The following CCDC92B variants were observed in gnomAD, a reference collection of about 807,000 sequenced individuals.
CCDC92B encodes coiled-coil domain containing 92B, also known as coiled-coil domain-containing 92B.
In CCDC92B, 2 loss-of-function variants were observed where a neutral mutation model predicts 5.6. That is an observed-to-expected ratio of 0.36 (90% CI 0.15 to 1.12). The LOEUF is 1.12. CCDC92B is among the 50% of genes most tolerant of loss of function. The pLI is 0.40. For synonymous variants in CCDC92B, 115 were observed against 122.3 expected (o/e 0.94, Z 0.39); for missense variants, 271 against 262.2 (o/e 1.03, Z -0.23).
chr17:2,744,684 G>A (rs1488548669), intron 1 of CCDC92B, among the ~76,000 whole-genome samples: 1 of 152,166 alleles, frequency 6.6e-6, no homozygotes, highest in Non-Finnish European at 1.5e-5. Context: ...TTGACACAAG[G>A]TAAGATCAAG....
chr17:2,733,258 CTCT>C (rs1213955100), intron 2 of CCDC92B, among the ~76,000 whole-genome samples: 40 of 148,684 alleles, frequency 2.7e-4, no homozygotes, highest in African/African-American at 9.3e-4. Context: ...GTTTCCTCTT[CTCT>C]TTTTTTTTTT....
chr17:2,744,106 G>A (rs908399471), intron 1 of CCDC92B, among the ~76,000 whole-genome samples: 7 of 152,052 alleles, frequency 4.6e-5, no homozygotes, highest in Admixed American at 2.6e-4. Context: ...TCAAACTCCC[G>A]ACCTCGTGAT....
At chr17:2,733,707 C>A (rs1441801268) in intron 2 of CCDC92B, among the ~76,000 whole-genome samples, 1 of 142,350 alleles carries the variant, frequency 7.0e-6, no homozygotes, top group Middle Eastern at 4.2e-3. Flanking sequence ...GTCTGTGGAG[C>A]CTTAGGAAGC....
At position 2,723,862 on chromosome 17, in the gene CCDC92B, T is replaced by G. The variant is rs912093054; in HGVS notation, c.*549A>C. On this transcript the variant is annotated 3_prime_UTR_variant, in exon 4 of 4. Transcript: ENST00000614400. ...TCTTCTAAAGTGTTCCGTGCTCACC[T>G]GCAAGGACCTATCGGCAGGGTCAGG... The G allele has an allele frequency of 4.1e-6, 3 of 722,992 alleles. No individual in the cohort carries two copies. Among genetic ancestry groups the G allele is most frequent in the Non-Finnish European group, 5.1e-6 (3 of 589,862 alleles). 44.8% of individuals were successfully genotyped at this position (722,992 alleles called of 1,614,324 possible). A position where few individuals can be genotyped will look rare whatever the true frequency, so the allele number is the denominator to read the frequency against.
Position 2,724,270 on chromosome 17 carries a change from T to C in CCDC92B, c.*141A>G. On this transcript the variant is annotated 3_prime_UTR_variant, in exon 4 of 4. Coordinates refer to ENST00000614400, the MANE Select transcript of CCDC92B (RefSeq NM_001355573.2). This position sits in a 1 kb window ranked among gnomAD's most constrained non-coding sequence, Gnocchi z 5.0. The stretch of plus-strand genomic sequence containing the variant: ...ACAAAAGGCTGGCGGTTCGGGGATT[T>C]GGGGGGAGCCGGGGCCGCCTCGCCC... 1 of 985,090 alleles carries C rather than the reference T, an allele frequency of 1.0e-6. No homozygotes were observed. The highest frequency in any genetic ancestry group is 1.2e-6 in the Non-Finnish European group (1 of 829,800). The allele number at this position is 985,090 out of a possible 1,614,324, so 61.0% of individuals were successfully genotyped here.
chr17:2,736,406 G>A (rs1002701352), intron 1 of CCDC92B, among the ~76,000 whole-genome samples: 5 of 151,412 alleles, frequency 3.3e-5, no homozygotes, highest in Non-Finnish European at 5.9e-5. Flanking sequence ...CAGCCTGGGC[G>A]ACAGGGTGAG....
intron 1 of CCDC92B, chr17:2,748,295 G>A (rs2071011435): frequency 1.2e-5 from 14 of 1,167,096 alleles, no homozygotes; most frequent in Non-Finnish European, 1.5e-5. Context: ...TTGCTCTGAT[G>A]TGACTTTTAC....
intron 1 of CCDC92B, among the ~76,000 whole-genome samples, chr17:2,735,819 CCTG>C (rs1473175763): frequency 1.3e-5 from 2 of 152,166 alleles, no homozygotes; most frequent in East Asian, 3.8e-4. Flanking sequence ...TGGGTTCTAG[CCTG>C]CTCCTCCCGC....
intron 2 of CCDC92B, among the ~76,000 whole-genome samples, chr17:2,734,165 C>T (rs183900339): frequency 6.6e-6 from 1 of 152,114 alleles, no homozygotes; most frequent in Non-Finnish European, 1.5e-5. Flanking sequence ...CCGTGCTGTT[C>T]CCTTCATCTG....
chr17:2,727,677 A>G (rs929774204), intron 3 of CCDC92B, among the ~76,000 whole-genome samples: 2 of 152,050 alleles, frequency 1.3e-5, no homozygotes, highest in African/African-American at 4.8e-5. Context: ...TACAAAAATT[A>G]GCTGGGTATG....
chr17:2,724,467 G>C lies in CCDC92B; in HGVS notation c.712C>G (p.Arg238Gly). 2 of 983,666 alleles carry C rather than the reference G, an allele frequency of 2.0e-6. No individual in the cohort carries two copies. Among genetic ancestry groups the C allele is most frequent in the Non-Finnish European group, 1.2e-6 (1 of 829,210 alleles). The allele number at this position is 983,666 out of a possible 1,614,324, so 60.9% of individuals were successfully genotyped here. ...CTGGGCGCGGGCTGCGGGCCGGCTC[G>C]GTCCGGGGGCTCCTGGGGAGGCGGC... ...RQPPPQEPPD[R>G]AGPQPAPSQP... The change falls in exon 4 of 4, where the codon CGA (arginine) becomes GGA (glycine). Residue 238 changes from arginine to glycine, a missense_variant. Physicochemically the swap from Arg to Gly is moderately radical, Grantham distance 125. Transcript: ENST00000614400. The surrounding 1 kb of genome is among the most constrained non-coding windows in gnomAD (Gnocchi z 5.0).
intron 1 of CCDC92B, among the ~76,000 whole-genome samples, chr17:2,739,151 A>G (rs2070893134): frequency 6.6e-6 from 1 of 151,570 alleles, no homozygotes; most frequent in Non-Finnish European, 1.5e-5. Context: ...GCGGATCACG[A>G]GGTCAGGAGA....
chr17:2,733,012 CAAAA>C (rs2070813114), intron 2 of CCDC92B, among the ~76,000 whole-genome samples: 6 of 141,366 alleles, frequency 4.2e-5, no homozygotes, highest in African/African-American at 1.3e-4. Context: ...GACCCTGTCT[CAAAA>C]TAAATAAATA....
Position 2,723,981 on chromosome 17 carries a change from G to C in CCDC92B, c.*430C>G. 6.2e-6 allele frequency: 6 copies of C among 966,420 alleles called. No individual in the cohort carries two copies. The highest frequency in any genetic ancestry group is 7.4e-6 in the Non-Finnish European group (6 of 813,404). 59.9% of individuals were successfully genotyped at this position (966,420 alleles called of 1,614,324 possible). A position where few individuals can be genotyped will look rare whatever the true frequency, so the allele number is the denominator to read the frequency against. ...CGTCGGCGCGGGGGTGGGGGAGGCG[G>C]GGGGTGGGGAGCTAGAGGGCCTGGG... On this transcript the variant is annotated 3_prime_UTR_variant, in exon 4 of 4. Coordinates refer to ENST00000614400, the MANE Select transcript of CCDC92B (RefSeq NM_001355573.2).
intron 1 of CCDC92B, among the ~76,000 whole-genome samples, chr17:2,749,076 G>A (rs1448956869): frequency 6.6e-6 from 1 of 152,164 alleles, no homozygotes; most frequent in Non-Finnish European, 1.5e-5. Flanking sequence ...GGAAGGCAGG[G>A]GTTGGGGGGG....
At chr17:2,731,074 C>T (rs1402323686) in intron 2 of CCDC92B, among the ~76,000 whole-genome samples, 3 of 152,216 alleles carry the variant, frequency 2.0e-5, no homozygotes, top group Admixed American at 6.5e-5. Flanking sequence ...TCCCAAGCCC[C>T]AGTTGCGCCG....
chr17:2,741,054 T>C (rs2070921513), intron 1 of CCDC92B, among the ~76,000 whole-genome samples: 1 of 151,454 alleles, frequency 6.6e-6, no homozygotes, highest in African/African-American at 2.4e-5. Context: ...TAAGCCACTA[T>C]GTTTATGATA....
intron 1 of CCDC92B, among the ~76,000 whole-genome samples, 189 bp from the exon 2 acceptor site, chr17:2,735,357 A>C (rs2070846388): frequency 6.6e-6 from 1 of 152,238 alleles, no homozygotes; most frequent in East Asian, 1.9e-4. Flanking sequence ...GCAGGAAAGC[A>C]TCATTACTCT....
At chr17:2,738,194 C>A (rs1038618530) in intron 1 of CCDC92B, among the ~76,000 whole-genome samples, 2 of 151,922 alleles carry the variant, frequency 1.3e-5, no homozygotes, top group African/African-American at 4.8e-5. Flanking sequence ...GTGACTGCCA[C>A]CATGCCTGGC....
Sources: allele counts gnomAD v4.1 joint callset (sites outside exome capture counted in the v4.1 genomes callset), GRCh38; gene constraint gnomAD v4.1.1; non-coding constraint Gnocchi (gnomAD v3.1); transcripts MANE v1.5; gene names NCBI Gene and HGNC (gene_info 2026-07-23, HGNC 2026-07-21).